The following ZNF585A variants were observed in gnomAD, a reference collection of about 807,000 sequenced individuals.
The protein encoded by ZNF585A is zinc finger protein 585A.
ZNF585A carries 9 observed loss-of-function variants against 14.9 expected under a neutral mutation model. The observed-to-expected ratio is 0.60, with a 90% CI of 0.36 to 1.05. The LOEUF (loss-of-function observed/expected upper bound fraction) is 1.05, where lower values mean the gene tolerates loss of function less well. Ranked by LOEUF, ZNF585A falls within the 50% of genes least tolerant of loss-of-function variation. The probability of loss-of-function intolerance (pLI) is 0.01; values close to 1 mark genes in which losing one functional copy is unlikely to be tolerated. For synonymous variants in ZNF585A, 276 were observed against 319.9 expected (o/e 0.86, Z 1.46); for missense variants, 726 against 926.4 (o/e 0.78, Z 2.81).
chr19:37,156,291 G>C lies in ZNF585A; in HGVS notation c.137C>G (p.Pro46Arg). 1 of 1,614,184 alleles carries C rather than the reference G, an allele frequency of 6.2e-7. No homozygotes were observed. The highest frequency in any genetic ancestry group is 8.5e-7 in the Non-Finnish European group (1 of 1,180,040). Reference protein sequence around the residue: ...FSREEWRHLDPSQRNLYRDVM... With the variant: ...FSREEWRHLDRSQRNLYRDVM... Reference sequence around the variant, plus strand: ...ATCCCGGTACAGGTTTCTCTGAGAAGGGTCCAGGTGCCGCCATTCCTCTCT... The same window carrying C: ...ATCCCGGTACAGGTTTCTCTGAGAACGGTCCAGGTGCCGCCATTCCTCTCT... The change falls in exon 3 of 5, where the codon CCT (proline) becomes CGT (arginine). Residue 46 changes from proline to arginine, a missense_variant. Physicochemically the swap from Pro to Arg is moderately radical, Grantham distance 103 (BLOSUM62 -2). Transcript: ENST00000292841.
chr19:37,152,252 C>T lies in ZNF585A; in HGVS notation c.1647G>A (p.Gln549=). 2 of 1,613,914 alleles carry T rather than the reference C, an allele frequency of 1.2e-6. No individual in the cohort carries two copies. Among genetic ancestry groups the T allele is most frequent in the South Asian group, 1.1e-5 (1 of 91,064 alleles). ...IHQKIHTGER[Q]YECHECGKAF... is the part of the protein sequence containing the mutation. ...CTTTCCCACATTCGTGGCATTCATA[C>T]TGTCTCTCTCCAGTGTGAATTTTCT... Residue 549 remains glutamine, a synonymous_variant, in exon 5 of 5, where the codon CAG becomes CAA. Coordinates refer to ENST00000292841, the MANE Select transcript of ZNF585A (RefSeq NM_001288800.2).
At chr19:37,172,151 T>C (rs1269217314) in intron 1 of ZNF585A, among the ~76,000 whole-genome samples, 1 of 152,162 alleles carries the variant, frequency 6.6e-6, no homozygotes, top group Non-Finnish European at 1.5e-5. Flanking sequence ...TCATGAAAAC[T>C]GACCACGAAC....
chr19:37,166,554 C>T (rs887691451), intron 2 of ZNF585A, among the ~76,000 whole-genome samples: 1 of 151,994 alleles, frequency 6.6e-6, no homozygotes, highest in Non-Finnish European at 1.5e-5. Flanking sequence ...CCTCGTGATC[C>T]ACCCATCTTG....
intron 4 of ZNF585A, 124 bp downstream of exon 4, chr19:37,155,741 C>T (rs902117179): frequency 2.8e-6 from 3 of 1,076,304 alleles, no homozygotes; most frequent in African/African-American, 1.6e-5. Flanking sequence ...TCAAGCAATA[C>T]AAAAACATTC....
intron 2 of ZNF585A, among the ~76,000 whole-genome samples, chr19:37,162,254 T>A (rs939488348): frequency 7.2e-5 from 11 of 152,266 alleles, no homozygotes; most frequent in South Asian, 2.1e-4. Flanking sequence ...GCTACTTTTT[T>A]AATTTATTCA....
rs2145393534 is a variant in ZNF585A at position 37,150,321 on chromosome 19, A to AG, written c.*1267_*1268insC. 6.6e-6 allele frequency: 1 copy of AG among 152,314 alleles called. No individual in the cohort carries two copies. The highest frequency in any genetic ancestry group is 2.1e-4 in the South Asian group (1 of 4,822). The allele number at this position is 152,314 out of a possible 1,614,324, so 9.4% of individuals were successfully genotyped here. A position where few individuals can be genotyped will look rare whatever the true frequency, so the allele number is the denominator to read the frequency against. ...AATTGTTCATCATCGTGAGGGAAAA[A>AG]TCAATAAGGAGGATCACAAGACATC... is the stretch of plus-strand genomic sequence containing the variant. On this transcript the variant is annotated 3_prime_UTR_variant, in exon 5 of 5. Coordinates refer to ENST00000292841, the MANE Select transcript of ZNF585A (RefSeq NM_001288800.2).
chr19:37,151,561 T>G lies in ZNF585A; in HGVS notation c.*28A>C. 6.3e-7 allele frequency: 1 copy of G among 1,585,570 alleles called. No individual in the cohort carries two copies. Among genetic ancestry groups the G allele is most frequent in the Non-Finnish European group, 8.6e-7 (1 of 1,165,290 alleles). ...AACAGTGTACAATCAGACCCAACCCTCAGGGGGGTTTTCTCACACTGTTTC... is the reference window on the plus strand; with the variant it reads ...AACAGTGTACAATCAGACCCAACCCGCAGGGGGGTTTTCTCACACTGTTTC... On this transcript the variant is annotated 3_prime_UTR_variant, in exon 5 of 5. Coordinates refer to ENST00000292841, the MANE Select transcript of ZNF585A (RefSeq NM_001288800.2).
chr19:37,163,293 C>T (rs1430982272), intron 2 of ZNF585A, among the ~76,000 whole-genome samples: 4 of 150,962 alleles, frequency 2.6e-5, no homozygotes, highest in African/African-American at 9.7e-5. Flanking sequence ...AAGAAGAATA[C>T]ACTAGAAATA....
In ZNF585A at chr19:37,156,420, G is replaced by A. The variant is rs529897034; in HGVS notation, c.73-65C>T. The A allele has an allele frequency of 1.3e-5, 20 of 1,563,676 alleles. No homozygotes were observed. In the South Asian group the frequency reaches 2.1e-4, roughly 17 times the overall value. Reference sequence around the variant, plus strand: ...TAGAGGGTTGGAGAGACTATATTTAGGAATATGGAATACAGGTCTTGTTGT... The same window carrying A: ...TAGAGGGTTGGAGAGACTATATTTAAGAATATGGAATACAGGTCTTGTTGT... On this transcript the variant is annotated intron_variant, in intron 2 of 4. Coordinates refer to ENST00000292841, the MANE Select transcript of ZNF585A (RefSeq NM_001288800.2).
chr19:37,156,073 CA>C (rs1971924633), intron 3 of ZNF585A, 116 bp from the exon 4 acceptor site: 1 of 1,563,066 alleles, frequency 6.4e-7, no homozygotes, highest in Non-Finnish European at 8.7e-7. Flanking sequence ...CATAACTTTT[CA>C]GGGTAAAATT....
chr19:37,163,732 A>G (rs1032400194), intron 2 of ZNF585A, among the ~76,000 whole-genome samples: 2 of 145,806 alleles, frequency 1.4e-5, no homozygotes, highest in Non-Finnish European at 3.1e-5. Context: ...TTAACATCAT[A>G]AAGATGACAC....
In ZNF585A at chr19:37,152,815, C is replaced by G. The variant is rs764482401; in HGVS notation, c.1084G>C (p.Ala362Pro). The change falls in exon 5 of 5, where the codon GCC becomes CCC. Residue 362 changes from alanine to proline, a missense_variant. Around this residue, in one of 2 missense-constraint regions of ZNF585A, gnomAD observed 483 missense variants for 542.8 expected, o/e 0.89. Coordinates refer to ENST00000292841, the MANE Select transcript of ZNF585A (RefSeq NM_001288800.2). ...ATCAACTCTGACCTGTAGGTAAAGG[C>G]CTTCCCACACTCAGTACATATGGAA... ...KSSICTECGK[A>P]FTYRSELIIH... The G allele has an allele frequency of 8.7e-6, 14 of 1,614,068 alleles. No individual in the cohort carries two copies. The highest frequency in any genetic ancestry group is 1.1e-5 in the Non-Finnish European group (13 of 1,179,984).
In ZNF585A at chr19:37,152,086, G is replaced by C. The variant is rs770342537; in HGVS notation, c.1813C>G (p.Pro605Ala). 1 of 1,603,406 alleles carries C rather than the reference G, an allele frequency of 6.2e-7. No homozygotes were observed. The highest frequency in any genetic ancestry group is 8.5e-7 in the Non-Finnish European group (1 of 1,173,584). ...THQRIHTGEK[P>A]YECSDCGKSF... ...TTCCCACAGTCACTGCATTCATAAG[G>C]CTTCTCTCCAGTATGAATTCTTTGA... Residue 605 changes from proline to alanine, a missense_variant, in exon 5 of 5, where the codon CCT (proline) becomes GCT (alanine). Pro to Ala is a conservative substitution (Grantham distance 27). Around this residue, in one of 2 missense-constraint regions of ZNF585A, gnomAD observed 243 missense variants for 383.6 expected, o/e 0.63. Transcript: ENST00000292841.
intron 4 of ZNF585A, among the ~76,000 whole-genome samples, chr19:37,154,229 T>C (rs1488009202): frequency 2.0e-5 from 3 of 152,142 alleles, no homozygotes; most frequent in Non-Finnish European, 4.4e-5. Context: ...AATGAACAGA[T>C]AACACCATGG....
intron 2 of ZNF585A, among the ~76,000 whole-genome samples, chr19:37,161,338 C>A (rs888542735): frequency 1.3e-5 from 2 of 152,122 alleles, no homozygotes; most frequent in African/African-American, 4.8e-5. Context: ...TTTCTAACTC[C>A]TTATGAATCT....
rs1383138993 is a variant in ZNF585A, at chr19:37,147,209, A to G, written c.*4380T>C. ...ATTTGCAATGCAAATATCATACAAAATAAGGGAGCAGCAAGTGAGCTCTAC... is the reference window on the plus strand; with the variant it reads ...ATTTGCAATGCAAATATCATACAAAGTAAGGGAGCAGCAAGTGAGCTCTAC... On this transcript the variant is annotated 3_prime_UTR_variant, in exon 5 of 5. Coordinates refer to ENST00000292841, the MANE Select transcript of ZNF585A (RefSeq NM_001288800.2). 4 of 152,262 alleles carry G rather than the reference A, an allele frequency of 2.6e-5. No homozygotes were observed. The highest frequency in any genetic ancestry group is 7.2e-5 in the African/African-American group (3 of 41,436). The allele number at this position is 152,262 out of a possible 1,614,324, so 9.4% of individuals were successfully genotyped here. A position where few individuals can be genotyped will look rare whatever the true frequency, so the allele number is the denominator to read the frequency against.
chr19:37,156,215 G>A lies in ZNF585A; in HGVS notation c.199+14C>T, dbSNP rs1360709019. 43 of 1,612,350 alleles carry A rather than the reference G, an allele frequency of 2.7e-5. No individual in the cohort carries two copies. The highest frequency in any genetic ancestry group is 3.5e-5 in the Non-Finnish European group (41 of 1,179,198). ...GTGAGGCCTCCTTTCAGATACCAAG[G>A]TGACTGTGCTTACCTACTGAGAGCA... is the stretch of plus-strand genomic sequence containing the variant. On this transcript the variant is annotated intron_variant, in intron 3 of 4. Coordinates refer to ENST00000292841, the MANE Select transcript of ZNF585A (RefSeq NM_001288800.2).
In ZNF585A at chr19:37,151,262, C is replaced by A. The variant is rs1971824221; in HGVS notation, c.*327G>T. On this transcript the variant is annotated 3_prime_UTR_variant, in exon 5 of 5. Transcript: ENST00000292841. Reference sequence around the variant, plus strand: ...CCTAATCCACAGTAAACAGGATTATCGTTAACTTAATACGATCTTTCTTAG... The same window carrying A: ...CCTAATCCACAGTAAACAGGATTATAGTTAACTTAATACGATCTTTCTTAG... 2.3e-6 allele frequency: 1 copy of A among 441,900 alleles called. No individual in the cohort carries two copies. Among genetic ancestry groups the A allele is most frequent in the Non-Finnish European group, 4.0e-6 (1 of 251,436 alleles). The allele number at this position is 441,900 out of a possible 1,614,324, so 27.4% of individuals were successfully genotyped here.
rs1392140018 is a variant in ZNF585A at position 37,169,988 on chromosome 19, T to C, written c.-78A>G. 6.5e-7 allele frequency: 1 copy of C among 1,534,080 alleles called. No individual in the cohort carries two copies. The highest frequency in any genetic ancestry group is 8.8e-7 in the Non-Finnish European group (1 of 1,136,508). The stretch of plus-strand genomic sequence containing the variant: ...CATCTGTGAACTCAAGCAGAGCTGC[T>C]CTGAAGAGATGGGCTGGAGTCTAGA... On this transcript the variant is annotated 5_prime_UTR_variant, in exon 2 of 5. Transcript: ENST00000292841.
Sources: gnomAD v4.1 joint callset for allele counts (sites outside exome capture counted in the v4.1 genomes callset) on GRCh38, gnomAD v4.1.1 for gene constraint, gnomAD v4.1.1 regional missense constraint, MANE v1.5 for transcripts, NCBI Gene and HGNC (gene_info 2026-07-23, HGNC 2026-07-21) for gene names.